Variants in RGS7 observed in about 807,000 individuals in gnomAD.
RGS7 encodes regulator of G-protein signaling 7.
A neutral mutation model predicts 81.1 loss-of-function variants in RGS7; 27 were observed. That is an observed-to-expected ratio of 0.33 (90% CI 0.25 to 0.46). RGS7 has a LOEUF of 0.46. RGS7 is among the 20% of genes least tolerant of loss of function. The pLI, the probability that RGS7 is intolerant of heterozygous loss-of-function variation, is 1.00. For synonymous variants in RGS7, 208 were observed against 207.7 expected (o/e 1.00, Z -0.01); for missense variants, 396 against 607.4 (o/e 0.65, Z 3.66).
chr1:241,074,718 G>A (rs969870477), intron 3 of RGS7, among the ~76,000 whole-genome samples: 9 of 152,166 alleles, frequency 5.9e-5, no homozygotes, highest in African/African-American at 2.2e-4. Context: ...CCAGAGGACT[G>A]GGTTGCCCTG....
Position 241,165,251 on chromosome 1 carries a change from C to T in RGS7, c.79-66489G>A, listed in dbSNP as rs111245486. On this transcript the variant is annotated intron_variant, in intron 2 of 18. Coordinates refer to ENST00000440928, the MANE Select transcript of RGS7 (RefSeq NM_001364886.1). ...TAAACTACCGATTTAATAATTCATT[C>T]CCCAAATACTTAATGATTGCATACC... is the stretch of plus-strand genomic sequence containing the variant. Among the ~76,000 whole-genome samples the T allele has an allele frequency of 1.3e-3, 200 of 152,264 alleles. 1 individual carries two copies. The highest frequency in any genetic ancestry group is 4.5e-3 in the African/African-American group (185 of 41,556).
At chr1:241,337,044 G>C (rs549881042) in intron 2 of RGS7, among the ~76,000 whole-genome samples, 1 of 152,256 alleles carries the variant, frequency 6.6e-6, no homozygotes, top group Admixed American at 6.5e-5. Flanking sequence ...TTCAAATCTT[G>C]ACACCACCAT....
At chr1:240,916,109 CAAA>C (rs60839025) in intron 6 of RGS7, among the ~76,000 whole-genome samples, 1 of 70,938 alleles carries the variant, frequency 1.4e-5, no homozygotes, top group Non-Finnish European at 3.1e-5. Context: ...CTAAAAATAC[CAAA>C]AAAAAAAAAA....
intron 10 of RGS7, among the ~76,000 whole-genome samples, chr1:240,825,348 C>T (rs1487457767): frequency 1.3e-5 from 2 of 152,168 alleles, no homozygotes; most frequent in Admixed American, 6.6e-5. Flanking sequence ...TAGTATGTGG[C>T]TTGGAGTCGG....
intron 2 of RGS7, among the ~76,000 whole-genome samples, chr1:241,171,629 C>T (rs906345741): frequency 4.6e-5 from 7 of 152,134 alleles, no homozygotes; most frequent in Non-Finnish European, 1.0e-4. Flanking sequence ...AGGACTTTAA[C>T]TCACTTTACA....
chr1:240,972,558 A>AG (rs1193763088), intron 4 of RGS7, among the ~76,000 whole-genome samples: 16 of 58,256 alleles, frequency 2.7e-4, no homozygotes, highest in Non-Finnish European at 3.6e-4. Flanking sequence ...GGGTGGGGGG[A>AG]GGGGGGAGGG....
intron 3 of RGS7, among the ~76,000 whole-genome samples, chr1:241,042,432 A>T (rs976886926): frequency 4.6e-5 from 7 of 152,184 alleles, no homozygotes; most frequent in African/African-American, 1.7e-4. Flanking sequence ...TCTGCTTCTC[A>T]CCCTTTATGA....
intron 4 of RGS7, among the ~76,000 whole-genome samples, chr1:240,955,444 T>C (rs1012073425): frequency 1.3e-5 from 2 of 151,478 alleles, no homozygotes; most frequent in African/African-American, 4.9e-5. Flanking sequence ...CTCAGCTACT[T>C]GGGAGTCTGT....
chr1:240,926,056 T>G (rs571988563), intron 6 of RGS7, among the ~76,000 whole-genome samples: 17 of 152,358 alleles, frequency 1.1e-4, no homozygotes, highest in African/African-American at 4.1e-4. Context: ...GCAAATATTT[T>G]CTGCCATCCT....
intron 3 of RGS7, among the ~76,000 whole-genome samples, chr1:241,086,425 C>G (rs943301984): frequency 1.3e-5 from 2 of 152,060 alleles, no homozygotes; most frequent in African/African-American, 4.8e-5. Flanking sequence ...CACCACCACC[C>G]CTAATCCTCC....
intron 3 of RGS7, among the ~76,000 whole-genome samples, chr1:241,092,800 T>G (rs1203523693): frequency 6.6e-6 from 1 of 151,868 alleles, no homozygotes; most frequent in Non-Finnish European, 1.5e-5. Flanking sequence ...CTTCAAAATA[T>G]GATTTGAAGC....
At position 240,927,055 on chromosome 1, in the gene RGS7, T is replaced by TTTTTG. The variant is rs148225093; in HGVS notation, c.385+3657_385+3661dup. Among the ~76,000 whole-genome samples, 34 of 151,852 alleles carry TTTTTG rather than the reference T, an allele frequency of 2.2e-4. 1 individual carries two copies. The highest frequency in any genetic ancestry group is 1.4e-3 in the East Asian group (7 of 5,158). On this transcript the variant is annotated intron_variant, in intron 6 of 18. Coordinates refer to ENST00000440928, the MANE Select transcript of RGS7 (RefSeq NM_001364886.1). ...CTAACAAAATGAAATAAACTGGTTT[T>TTTTTG]TTTTGTTTTGTTTTGTTTTGTTTGT...
chr1:241,144,926 G>GGT lies in RGS7; in HGVS notation c.79-46166_79-46165dup, dbSNP rs58610723. ...TCAGTATGTGTTGGCAGGGCAGGAT[G>GGT]GTGTGTGTGTGTGTGTGTGTGTGTG... On this transcript the variant is annotated intron_variant, in intron 2 of 18. Coordinates refer to ENST00000440928, the MANE Select transcript of RGS7 (RefSeq NM_001364886.1). This position sits in a 1 kb window ranked among gnomAD's most constrained non-coding sequence, Gnocchi z 4.7. Among the ~76,000 whole-genome samples the GGT allele has an allele frequency of 0.04, 5,635 of 141,896 alleles. 131 individuals carry two copies. Among genetic ancestry groups the GGT allele is most frequent in the Admixed American group, 0.074 (1,069 of 14,436 alleles). 93.1% of individuals were successfully genotyped at this position (141,896 alleles called of 152,430 possible). A position where few individuals can be genotyped will look rare whatever the true frequency, so the allele number is the denominator to read the frequency against.
intron 18 of RGS7, among the ~76,000 whole-genome samples, chr1:240,794,306 C>T (rs978266136): frequency 1.3e-5 from 2 of 152,080 alleles, no homozygotes. Flanking sequence ...TAAGGACAGC[C>T]AAGCTGTCTT....
At chr1:240,898,369 G>C (rs1338007772) in intron 6 of RGS7, among the ~76,000 whole-genome samples, 9 of 152,080 alleles carry the variant, frequency 5.9e-5, no homozygotes, top group Non-Finnish European at 1.3e-4. Flanking sequence ...TTTTAATTGT[G>C]ATGTTACGGT....
intron 3 of RGS7, among the ~76,000 whole-genome samples, chr1:241,041,954 T>C (rs758128180): frequency 6.6e-6 from 1 of 152,144 alleles, no homozygotes; most frequent in Non-Finnish European, 1.5e-5. Context: ...GTGGGCTGGC[T>C]GTAAATGTCT....
chr1:241,249,252 C>T (rs917898894), intron 2 of RGS7, among the ~76,000 whole-genome samples: 1 of 151,760 alleles, frequency 6.6e-6, no homozygotes, highest in African/African-American at 2.4e-5. Context: ...TCGATTTTCA[C>T]TATATGATTC....
chr1:240,993,116 AAG>A (rs1686735354), intron 3 of RGS7, among the ~76,000 whole-genome samples: 1 of 60,546 alleles, frequency 1.7e-5, no homozygotes, highest in Admixed American at 1.9e-4. Flanking sequence ...GGAGGGAGGG[AAG>A]GAAGGAAGGA....
chr1:241,127,000 A>G (rs1270295945), intron 2 of RGS7, among the ~76,000 whole-genome samples: 1 of 152,172 alleles, frequency 6.6e-6, no homozygotes, highest in Admixed American at 6.5e-5. Flanking sequence ...GATTAGGTAC[A>G]GTAGTAAAGG....
Sources: gnomAD v4.1 joint callset for allele counts (sites outside exome capture counted in the v4.1 genomes callset) on GRCh38, gnomAD v4.1.1 for gene constraint, Gnocchi (gnomAD v3.1) non-coding constraint, MANE v1.5 for transcripts, NCBI Gene and HGNC (gene_info 2026-07-23, HGNC 2026-07-21) for gene names.